Variants in EPHA5 observed in about 807,000 individuals in gnomAD.
EPHA5 encodes the protein EPH receptor A5, also known as ephrin type-A receptor 5.
A neutral mutation model predicts 105.0 loss-of-function variants in EPHA5; 60 were observed. That is an observed-to-expected ratio of 0.57 (90% CI 0.46 to 0.71). The LOEUF is 0.71. EPHA5 is among the 30% of genes least tolerant of loss of function. The pLI, the probability that EPHA5 is intolerant of heterozygous loss-of-function variation, is 0.00. For synonymous variants in EPHA5, 513 were observed against 449.1 expected, an observed-to-expected ratio of 1.14 and a Z score of -1.80; for missense variants, 1,218 against 1,274.7, an observed-to-expected ratio of 0.96 and a Z score of 0.68.
chr4:65,627,767 C>G (rs1038663378), intron 2 of EPHA5, among the ~76,000 whole-genome samples: 9 of 152,120 alleles, frequency 5.9e-5, no homozygotes, highest in African/African-American at 2.2e-4. Context: ...ATCTTTATCA[C>G]CCCAACTAGG....
chr4:65,386,546 G>A (rs941841176), intron 8 of EPHA5, among the ~76,000 whole-genome samples: 2 of 151,716 alleles, frequency 1.3e-5, no homozygotes, highest in Non-Finnish European at 2.9e-5. Flanking sequence ...ACACACAGAG[G>A]CACACAAAAT....
chr4:65,339,539 C>T (rs937157841), intron 14 of EPHA5, among the ~76,000 whole-genome samples: 28 of 152,064 alleles, frequency 1.8e-4, no homozygotes, highest in Non-Finnish European at 3.7e-4. Flanking sequence ...GCTCTTAGGG[C>T]ATATTTCTGG....
At chr4:65,398,019 A>G (rs1721419568) in intron 8 of EPHA5, among the ~76,000 whole-genome samples, 1 of 152,138 alleles carries the variant, frequency 6.6e-6, no homozygotes, top group Non-Finnish European at 1.5e-5. Flanking sequence ...GACAAGGTAG[A>G]AGCCTCACCA....
At chr4:65,560,955 G>C (rs1028346422) in intron 3 of EPHA5, among the ~76,000 whole-genome samples, 4 of 151,840 alleles carry the variant, frequency 2.6e-5, no homozygotes, top group African/African-American at 4.8e-5. Context: ...CATCCATGTT[G>C]AGTCTTTAAA....
At chr4:65,404,043 C>G (rs1434334038) in intron 8 of EPHA5, among the ~76,000 whole-genome samples, 1 of 152,022 alleles carries the variant, frequency 6.6e-6, no homozygotes, top group African/African-American at 2.4e-5. Flanking sequence ...AAACTTGAAG[C>G]AGGCAACCAT....
chr4:65,579,339 A>AAT (rs1741373639), intron 3 of EPHA5, among the ~76,000 whole-genome samples: 1 of 133,464 alleles, frequency 7.5e-6, no homozygotes, highest in Non-Finnish European at 1.6e-5. Context: ...TGCATGTGTA[A>AAT]ATATATATAT....
intron 5 of EPHA5, among the ~76,000 whole-genome samples, chr4:65,432,057 G>A (rs1725030434): frequency 6.6e-6 from 1 of 152,056 alleles, no homozygotes; most frequent in African/African-American, 2.4e-5. Flanking sequence ...ACTTGTAGAT[G>A]AACTTTTATT....
chr4:65,490,291 G>T, intron 5 of EPHA5, 86 bp downstream of exon 5: 2 of 1,316,148 alleles, frequency 1.5e-6, no homozygotes, highest in African/African-American at 1.4e-5. Context: ...TTCTCACACA[G>T]ATTTCAGTCA....
chr4:65,352,533 C>T (rs183813658), intron 12 of EPHA5, among the ~76,000 whole-genome samples: 2 of 151,962 alleles, frequency 1.3e-5, no homozygotes, highest in Non-Finnish European at 2.9e-5. Context: ...ATAATATTAG[C>T]TATTGTCAAT....
chr4:65,585,088 A>G (rs530579981), intron 3 of EPHA5, among the ~76,000 whole-genome samples: 1 of 149,986 alleles, frequency 6.7e-6, no homozygotes, highest in East Asian at 2.0e-4. Flanking sequence ...CACTACCTGC[A>G]TGCATGCATG....
At chr4:65,454,984 G>T (rs574764302) in intron 5 of EPHA5, among the ~76,000 whole-genome samples, 2 of 152,024 alleles carry the variant, frequency 1.3e-5, no homozygotes, top group East Asian at 3.9e-4. Flanking sequence ...GGTGGCTCAC[G>T]CCTGTAATCC....
intron 5 of EPHA5, among the ~76,000 whole-genome samples, chr4:65,459,894 T>C (rs1011677061): frequency 6.6e-6 from 1 of 151,792 alleles, no homozygotes; most frequent in African/African-American, 2.4e-5. Flanking sequence ...TGATTGATTA[T>C]AAAATATTCA....
In EPHA5 at chr4:65,500,888, C is replaced by T. The variant is rs189880125; in HGVS notation, c.911-5345G>A. Among the ~76,000 whole-genome samples, 13 of 150,924 alleles carry T rather than the reference C, an allele frequency of 8.6e-5. No homozygotes were observed. The East Asian group carries it at 2.1e-3, about 25-fold the overall frequency. On this transcript the variant is annotated intron_variant, in intron 3 of 16. Transcript: ENST00000613740. ...ATTGAGTTAAAAAGGCACAGACTAT[C>T]GTTGTTTGCAGTGTACAAGATATAA...
intron 8 of EPHA5, among the ~76,000 whole-genome samples, chr4:65,368,020 T>C (rs1718092115): frequency 6.6e-6 from 1 of 152,020 alleles, no homozygotes; most frequent in South Asian, 2.1e-4. Context: ...AATTTGCAAG[T>C]TTTTGCAAAT....
chr4:65,590,632 G>A (rs2149414494), intron 3 of EPHA5, among the ~76,000 whole-genome samples: 1 of 152,140 alleles, frequency 6.6e-6, no homozygotes, highest in East Asian at 1.9e-4. Context: ...ACTTTTCTAT[G>A]AGTAGCATAA....
intron 5 of EPHA5, among the ~76,000 whole-genome samples, chr4:65,477,650 G>A (rs1225929163): frequency 6.6e-6 from 1 of 151,976 alleles, no homozygotes; most frequent in Non-Finnish European, 1.5e-5. Context: ...TTGACCTCAT[G>A]ATCACCCCTG....
At chr4:65,388,773 A>G (rs528841121) in intron 8 of EPHA5, among the ~76,000 whole-genome samples, 270 of 148,928 alleles carry the variant, frequency 1.8e-3, no homozygotes, top group African/African-American at 5.8e-3. Flanking sequence ...TTGCCTGTTC[A>G]CTCTGATGGT....
intron 5 of EPHA5, among the ~76,000 whole-genome samples, chr4:65,442,373 G>A (rs1231780698): frequency 6.6e-6 from 1 of 152,104 alleles, no homozygotes; most frequent in Non-Finnish European, 1.5e-5. Flanking sequence ...AAACCAGTAA[G>A]AGAACTCTCA....
chr4:65,491,886 T>C (rs1303522828), intron 4 of EPHA5, among the ~76,000 whole-genome samples: 1 of 152,140 alleles, frequency 6.6e-6, no homozygotes, highest in Non-Finnish European at 1.5e-5. Context: ...TGTTTAGATA[T>C]TTAGTTAAAA....
Sources: gnomAD v4.1 joint callset for allele counts (sites outside exome capture counted in the v4.1 genomes callset) on GRCh38, gnomAD v4.1.1 for gene constraint, MANE v1.5 for transcripts, NCBI Gene and HGNC (gene_info 2026-07-23, HGNC 2026-07-21) for gene names.